Variants in TTC6 observed in about 807,000 individuals in gnomAD.
The protein encoded by TTC6 is tetratricopeptide repeat protein 6.
Under a neutral mutation model 210.4 loss-of-function variants are expected in TTC6, and 172 were observed. The observed-to-expected ratio is 0.82, with a 90% CI of 0.72 to 0.93. The LOEUF (loss-of-function observed/expected upper bound fraction) is 0.93, where lower values mean the gene tolerates loss of function less well. TTC6 is among the 40% of genes least tolerant of loss of function. The pLI is 0.00. For missense variants in TTC6, 2,414 were observed against 2,318.1 expected (o/e 1.04, Z -0.85); for synonymous variants, 804 against 819.6 (o/e 0.98, Z 0.32).
intron 20 of TTC6, among the ~76,000 whole-genome samples, chr14:37,801,334 G>A (rs1199245931): frequency 6.6e-6 from 1 of 152,096 alleles, no homozygotes; most frequent in Non-Finnish European, 1.5e-5. Context: ...AGACTTTGGG[G>A]GACCTTGGAA....
At chr14:37,622,314 A>G in exon 1 of TTC6, 1 of 1,533,938 alleles carries the variant, frequency 6.5e-7, no homozygotes, top group Middle Eastern at 1.7e-4. Flanking sequence ...AGGCCCTGCG[A>G]TGTCCGCGGC....
At position 37,796,982 on chromosome 14, in the gene TTC6, A is replaced by G. The variant is rs373291987; in HGVS notation, c.4029+35A>G. ...CCTCTGAGTAATGTTTACTAAACCT[A>G]TTAATGAAGTGTATATATTGTGCTT... is the stretch of plus-strand genomic sequence containing the variant. On this transcript the variant is annotated intron_variant, in intron 20 of 30. Coordinates refer to ENST00000553443, the Ensembl canonical transcript of TTC6. 73 of 1,545,950 alleles carry G rather than the reference A, an allele frequency of 4.7e-5. No individual in the cohort carries two copies. In the African/African-American group the frequency reaches 6.8e-4, roughly 14 times the overall value.
chr14:37,841,825 G>A (rs2139064563), intron 30 of TTC6, 155 bp downstream of exon 32: 1 of 676,672 alleles, frequency 1.5e-6, no homozygotes, highest in Non-Finnish European at 2.4e-6. Context: ...ATCGATATAG[G>A]TTCCTTTATG....
intron 14 of TTC6, among the ~76,000 whole-genome samples, chr14:37,786,126 T>C (rs2139297488): frequency 6.6e-6 from 1 of 152,314 alleles, no homozygotes; most frequent in South Asian, 2.1e-4. Context: ...AACTCCATGC[T>C]GGGAGAACCA....
At chr14:37,783,624 A>G (rs1336064474) in intron 14 of TTC6, among the ~76,000 whole-genome samples, 2 of 151,866 alleles carry the variant, frequency 1.3e-5, no homozygotes, top group Non-Finnish European at 2.9e-5. Context: ...TTGTGTCTCT[A>G]TCTCCCTGAG....
At chr14:37,842,101 A>G (rs1190485978) in intron 30 of TTC6, 54 bp from the exon 33 acceptor site, 25 of 1,407,116 alleles carry the variant, frequency 1.8e-5, no homozygotes, top group Non-Finnish European at 2.1e-5. Flanking sequence ...GTAAAAAAAG[A>G]GACTATTTTT....
At chr14:37,599,903 G>GTTAC (rs2095612275) in intron 1 of TTC6, among the ~76,000 whole-genome samples, 1 of 152,134 alleles carries the variant, frequency 6.6e-6, no homozygotes, top group Admixed American at 6.5e-5. Flanking sequence ...TGGCCCCCGA[G>GTTAC]TTACTGACTT....
chr14:37,765,171 AT>A (rs1245412130), intron 14 of TTC6, among the ~76,000 whole-genome samples: 3 of 151,570 alleles, frequency 2.0e-5, no homozygotes, highest in African/African-American at 4.8e-5. Context: ...TATTAAAAAA[AT>A]TTTTTTTAGA....
At chr14:37,637,259 A>G (rs1366010241) in intron 1 of TTC6, among the ~76,000 whole-genome samples, 4 of 152,268 alleles carry the variant, frequency 2.6e-5, no homozygotes, top group Non-Finnish European at 5.9e-5. Flanking sequence ...TCAGGCTAAG[A>G]GTCCTTAGAC....
In TTC6 at chr14:37,825,490, A is replaced by T. The variant is rs754423614; in HGVS notation, c.4975-705A>T. Reference sequence around the variant, plus strand: ...TTTTTTTAGCCCATCAGAAAAAAAGACAGACTCCAGACTGTACTGAATTTA... The same window carrying T: ...TTTTTTTAGCCCATCAGAAAAAAAGTCAGACTCCAGACTGTACTGAATTTA... On this transcript the variant is annotated intron_variant, in intron 27 of 30. Transcript: ENST00000553443. Among the ~76,000 whole-genome samples the T allele has an allele frequency of 2.0e-5, 3 of 152,176 alleles. No individual in the cohort carries two copies. In the South Asian group the frequency reaches 6.2e-4, roughly 32 times the overall value.
intron 1 of TTC6, among the ~76,000 whole-genome samples, chr14:37,678,640 G>C (rs2095775726): frequency 2.6e-5 from 4 of 152,172 alleles, no homozygotes; most frequent in African/African-American, 7.2e-5. Flanking sequence ...TCTGGAAATT[G>C]TGTCAGGCAG....
intron 6 of TTC6, among the ~76,000 whole-genome samples, chr14:37,717,723 T>A (rs1297051993): frequency 3.3e-5 from 5 of 151,920 alleles, no homozygotes; most frequent in African/African-American, 1.2e-4. Flanking sequence ...AATACCCTAG[T>A]ATCTAAACTA....
chr14:37,690,807 C>G (rs1488900244), intron 3 of TTC6, among the ~76,000 whole-genome samples: 1 of 152,162 alleles, frequency 6.6e-6, no homozygotes. Flanking sequence ...CAGCATTGGA[C>G]AGGTCTTATA....
chr14:37,639,775 A>G (rs1354713539), intron 1 of TTC6, among the ~76,000 whole-genome samples: 2 of 149,972 alleles, frequency 1.3e-5, no homozygotes, highest in Non-Finnish European at 3.0e-5. Context: ...AATCCAAGCT[A>G]CTCGGGAGGT....
chr14:37,752,517 A>T (rs1595198737), intron 13 of TTC6, among the ~76,000 whole-genome samples: 1 of 148,096 alleles, frequency 6.8e-6, no homozygotes, highest in East Asian at 2.0e-4. Context: ...AATCTTTAGG[A>T]TTTTTTTTTT....
chr14:37,788,050 C>T lies in TTC6; in HGVS notation c.3436+413C>T, dbSNP rs1374674844. ...CTTGCTAAAATGGCAGTAAACTGTC[C>T]TGGTGGGCTGTGTCCTGCTCCATAG... On this transcript the variant is annotated intron_variant, in intron 15 of 30. Coordinates refer to ENST00000553443, the Ensembl canonical transcript of TTC6. 5.3e-5 allele frequency among the ~76,000 whole-genome samples: 8 copies of T among 151,992 alleles called. No individual in the cohort carries two copies. In the East Asian group the frequency reaches 1.5e-3, roughly 29 times the overall value.
At chr14:37,683,344 T>C (rs754136176) in intron 3 of TTC6, among the ~76,000 whole-genome samples, 1 of 152,166 alleles carries the variant, frequency 6.6e-6, no homozygotes, top group Non-Finnish European at 1.5e-5. Flanking sequence ...TTTAGGTTCA[T>C]ACTAACCCCT....
intron 7 of TTC6, among the ~76,000 whole-genome samples, chr14:37,735,557 G>C (rs35383091): frequency 0.045 from 6,795 of 152,148 alleles, 230 homozygotes; most frequent in Non-Finnish European, 0.07. Flanking sequence ...TTCATGTGTT[G>C]ACAAGAAAAC....
At chr14:37,833,628 T>C (rs930059018) in intron 29 of TTC6, among the ~76,000 whole-genome samples, 3 of 152,210 alleles carry the variant, frequency 2.0e-5, no homozygotes, top group Middle Eastern at 3.2e-3. Flanking sequence ...TAAGGACTTA[T>C]TTCTGTCATT....
Sources: gnomAD v4.1 joint callset for allele counts (sites outside exome capture counted in the v4.1 genomes callset) on GRCh38, gnomAD v4.1.1 for gene constraint, MANE v1.5 for transcripts, NCBI Gene and HGNC (gene_info 2026-07-23, HGNC 2026-07-21) for gene names.